Variants in CSMD3 observed in about 807,000 individuals in gnomAD.
CSMD3 encodes CUB and sushi domain-containing protein 3.
CSMD3 carries 177 observed loss-of-function variants against 435.2 expected under a neutral mutation model. That is an observed-to-expected ratio of 0.41 (90% CI 0.36 to 0.46). The LOEUF is 0.46. Among genes scored for constraint, CSMD3 ranks in the 20% least tolerant of loss-of-function variants. CSMD3 has a pLI of 0.34. For synonymous variants in CSMD3, 1,656 were observed against 1,520.5 expected, an observed-to-expected ratio of 1.09 and a Z score of -2.07; for missense variants, 4,265 against 4,504.6, an observed-to-expected ratio of 0.95 and a Z score of 1.52.
intron 1 of CSMD3, among the ~76,000 whole-genome samples, chr8:113,386,696 A>G (rs185190386): frequency 5.3e-5 from 8 of 151,958 alleles, no homozygotes; most frequent in African/African-American, 1.9e-4. Context: ...ACATTCACCA[A>G]TCTTCTTAAA....
At chr8:113,236,455 G>C (rs2093150549) in intron 3 of CSMD3, among the ~76,000 whole-genome samples, 2 of 152,124 alleles carry the variant, frequency 1.3e-5, no homozygotes, top group Non-Finnish European at 2.9e-5. Context: ...ATAAGCTGCG[G>C]GGCTGAATAG....
intron 1 of CSMD3, among the ~76,000 whole-genome samples, chr8:113,395,541 GGAGCTTGCAGT>G (rs2094479801): frequency 6.6e-6 from 1 of 151,194 alleles, no homozygotes; most frequent in Non-Finnish European, 1.5e-5. Flanking sequence ...CCCGGGAGGC[GGAGCTTGCAGT>G]GAGCTGAGAT....
At chr8:113,412,993 A>T (rs780059738) in intron 1 of CSMD3, among the ~76,000 whole-genome samples, 1 of 152,134 alleles carries the variant, frequency 6.6e-6, no homozygotes, top group Non-Finnish European at 1.5e-5. Context: ...TATATAATTA[A>T]CAGGACATGA....
chr8:112,483,186 C>T (rs1334592186), intron 31 of CSMD3, among the ~76,000 whole-genome samples: 1 of 152,068 alleles, frequency 6.6e-6, no homozygotes, highest in Non-Finnish European at 1.5e-5. Flanking sequence ...AAACTCAGCA[C>T]ATTGGAATCA....
chr8:112,990,798 A>G (rs2131015437), intron 6 of CSMD3, among the ~76,000 whole-genome samples: 1 of 151,968 alleles, frequency 6.6e-6, no homozygotes, highest in South Asian at 2.1e-4. Flanking sequence ...GAGAACCCAT[A>G]TGGACTTTAT....
chr8:112,691,749 G>A (rs937571577), intron 13 of CSMD3, among the ~76,000 whole-genome samples: 5 of 151,842 alleles, frequency 3.3e-5, no homozygotes, highest in Non-Finnish European at 7.4e-5. Flanking sequence ...TTATTAGGTG[G>A]CTTAAAGAAC....
intron 16 of CSMD3, among the ~76,000 whole-genome samples, chr8:112,681,653 A>G (rs1310956500): frequency 3.3e-5 from 5 of 151,914 alleles, no homozygotes; most frequent in Admixed American, 1.3e-4. Context: ...ATCACTTGAT[A>G]TCAAGAGTTT....
intron 13 of CSMD3, among the ~76,000 whole-genome samples, chr8:112,769,572 A>G (rs1323490225): frequency 2.0e-5 from 3 of 152,082 alleles, no homozygotes; most frequent in Non-Finnish European, 4.4e-5. Flanking sequence ...AAAGATTTGA[A>G]TATCATATTT....
intron 63 of CSMD3, among the ~76,000 whole-genome samples, chr8:112,253,539 CGGCAACACAG>C (rs983176711): frequency 6.6e-6 from 1 of 151,942 alleles, no homozygotes; most frequent in Non-Finnish European, 1.5e-5. Context: ...TTACAAAACC[CGGCAACACAG>C]GGCAATTGGG....
At chr8:112,937,794 CAAG>C (rs1490694245) in intron 9 of CSMD3, among the ~76,000 whole-genome samples, 3 of 151,940 alleles carry the variant, frequency 2.0e-5, no homozygotes, top group African/African-American at 4.8e-5. Flanking sequence ...CTGTATAACA[CAAG>C]AAGAAGATGA....
intron 27 of CSMD3, among the ~76,000 whole-genome samples, chr8:112,521,316 C>T (rs1211357419): frequency 6.6e-6 from 1 of 151,916 alleles, no homozygotes; most frequent in Non-Finnish European, 1.5e-5. Context: ...TTCCTCTATT[C>T]CACTGTTTTT....
At chr8:112,748,617 T>C (rs1022646859) in intron 13 of CSMD3, among the ~76,000 whole-genome samples, 3 of 152,162 alleles carry the variant, frequency 2.0e-5, no homozygotes, top group African/African-American at 7.2e-5. Flanking sequence ...CCGCAATTAG[T>C]TTACTAAGGA....
chr8:112,400,524 T>C (rs779343411), intron 35 of CSMD3, among the ~76,000 whole-genome samples: 1 of 152,116 alleles, frequency 6.6e-6, no homozygotes, highest in Admixed American at 6.6e-5. Context: ...GCCCAGGAAA[T>C]ACAGACTGCT....
At chr8:113,054,027 T>C (rs2088209920) in intron 5 of CSMD3, among the ~76,000 whole-genome samples, 1 of 152,182 alleles carries the variant, frequency 6.6e-6, no homozygotes, top group South Asian at 2.1e-4. Flanking sequence ...GGCCTAGTTC[T>C]TCAAATTGAT....
rs141981221 is a variant in CSMD3 at position 113,325,501 on chromosome 8, C to T, written c.179-10708G>A. Among the ~76,000 whole-genome samples, 781 of 152,208 alleles carry T rather than the reference C, an allele frequency of 5.1e-3. 11 individuals carry two copies. The highest frequency in any genetic ancestry group is 0.018 in the African/African-American group (753 of 41,540). On this transcript the variant is annotated intron_variant, in intron 1 of 70. Coordinates refer to ENST00000297405, the MANE Select transcript of CSMD3 (RefSeq NM_198123.2). Reference sequence around the variant, plus strand: ...CTTCCACCATGATTGTGAGGCCTCCCCAGCCATGTGAAACTGTAGTTCATT... The same window carrying T: ...CTTCCACCATGATTGTGAGGCCTCCTCAGCCATGTGAAACTGTAGTTCATT...
At chr8:112,627,175 T>C (rs182992840) in intron 22 of CSMD3, among the ~76,000 whole-genome samples, 1 of 152,308 alleles carries the variant, frequency 6.6e-6, no homozygotes, top group Admixed American at 6.5e-5. Context: ...ACTTTCTAGG[T>C]TAATATTATA....
intron 32 of CSMD3, among the ~76,000 whole-genome samples, chr8:112,413,898 C>A (rs1028857136): frequency 3.3e-5 from 5 of 152,100 alleles, no homozygotes; most frequent in African/African-American, 1.2e-4. Flanking sequence ...TCCTAATGAG[C>A]TGGTTTAGCC....
chr8:112,639,517 T>TACAA lies in CSMD3; in HGVS notation c.3311-607_3311-606insTTGT, dbSNP rs1245566934. 4.6e-5 allele frequency among the ~76,000 whole-genome samples: 7 copies of TACAA among 152,284 alleles called. No individual in the cohort carries two copies. The East Asian group carries it at 9.7e-4, about 21-fold the overall frequency. Reference sequence around the variant, plus strand: ...ACAAATCGGACACCTTTGTAAATAGTATCCAAATCAATAGCCACAATAATA... The same window carrying TACAA: ...ACAAATCGGACACCTTTGTAAATAGTACAAATCCAAATCAATAGCCACAATAATA... On this transcript the variant is annotated intron_variant, in intron 20 of 70. Coordinates refer to ENST00000297405, the MANE Select transcript of CSMD3 (RefSeq NM_198123.2).
intron 32 of CSMD3, among the ~76,000 whole-genome samples, chr8:112,439,221 A>T (rs565130767): frequency 6.6e-6 from 1 of 152,258 alleles, no homozygotes; most frequent in Non-Finnish European, 1.5e-5. Context: ...TCTCACTTCA[A>T]GTTCTGCCTT....
Sources: gnomAD v4.1 joint callset for allele counts (sites outside exome capture counted in the v4.1 genomes callset) on GRCh38, gnomAD v4.1.1 for gene constraint, MANE v1.5 for transcripts, NCBI Gene and HGNC (gene_info 2026-07-23, HGNC 2026-07-21) for gene names.